The following JAZF1 variants were observed in gnomAD, a reference collection of about 807,000 sequenced individuals.
JAZF1 encodes the protein juxtaposed with another zinc finger protein 1.
In JAZF1, 8 loss-of-function variants were observed where a neutral mutation model predicts 26.4. The ratio of observed to expected loss-of-function variants is 0.30; its 90% confidence interval spans 0.18 to 0.55. JAZF1 has a LOEUF of 0.55. Ranked by LOEUF, JAZF1 falls within the 20% of genes least tolerant of loss-of-function variation. The pLI, the probability that JAZF1 is intolerant of heterozygous loss-of-function variation, is 0.94. For synonymous variants in JAZF1, 126 were observed against 122.3 expected (o/e 1.03, Z -0.20); for missense variants, 199 against 322.0 (o/e 0.62, Z 2.92).
At chr7:27,983,640 CAT>C (rs1192291548) in intron 2 of JAZF1, among the ~76,000 whole-genome samples, 2 of 152,248 alleles carry the variant, frequency 1.3e-5, no homozygotes, top group Non-Finnish European at 2.9e-5. Context: ...CTCCAAGACA[CAT>C]GATTGTCAGA....
chr7:27,919,680 G>C (rs1040716021), intron 2 of JAZF1, among the ~76,000 whole-genome samples: 3 of 152,128 alleles, frequency 2.0e-5, no homozygotes, highest in Non-Finnish European at 1.5e-5. Context: ...GGTTACAAAA[G>C]GAAGGAGCAA....
chr7:28,110,515 A>AAAGGAAAGGG lies in JAZF1; in HGVS notation c.115+69947_115+69948insCCCTTTCCTT, dbSNP rs1562590947. On this transcript the variant is annotated intron_variant, in intron 1 of 4. Coordinates refer to ENST00000283928, the MANE Select transcript of JAZF1 (RefSeq NM_175061.4). ...AAGGAAAGGAAAGGAAAAGGAAAGG[A>AAAGGAAAGGG]AAAGGAAAAGGAAAAGGAAAGGAAA... is the stretch of plus-strand genomic sequence containing the variant. Among the ~76,000 whole-genome samples the AAAGGAAAGGG allele has an allele frequency of 2.9e-4, 17 of 58,942 alleles. 1 individual carries two copies. In the East Asian group the frequency reaches 3.3e-3, roughly 11 times the overall value. The allele number at this position is 58,942 out of a possible 152,430, so 38.7% of individuals were successfully genotyped here.
chr7:28,132,514 T>C (rs1220624758), intron 1 of JAZF1, among the ~76,000 whole-genome samples: 2 of 152,124 alleles, frequency 1.3e-5, no homozygotes, highest in African/African-American at 4.8e-5. Context: ...AGGAGAGGAT[T>C]AAATAGAAGT....
intron 1 of JAZF1, among the ~76,000 whole-genome samples, chr7:28,019,182 C>T (rs1432345171): frequency 1.3e-5 from 2 of 152,204 alleles, no homozygotes; most frequent in Non-Finnish European, 2.9e-5. Flanking sequence ...CAAATCTTTC[C>T]AGAAGCAAAG....
chr7:27,923,683 G>C (rs1467140328), intron 2 of JAZF1, among the ~76,000 whole-genome samples: 1 of 152,190 alleles, frequency 6.6e-6, no homozygotes. Flanking sequence ...ACCAACGCCT[G>C]CTTGCAGACT....
intron 2 of JAZF1, among the ~76,000 whole-genome samples, chr7:27,943,559 A>C (rs1289124598): frequency 6.6e-6 from 1 of 152,150 alleles, no homozygotes; most frequent in Non-Finnish European, 1.5e-5. Context: ...GATGATCTCA[A>C]ATTAGGAAGC....
At chr7:28,040,685 T>C (rs967493927) in intron 1 of JAZF1, among the ~76,000 whole-genome samples, 8 of 152,098 alleles carry the variant, frequency 5.3e-5, no homozygotes, top group Non-Finnish European at 1.0e-4. Flanking sequence ...AGTTGTATTT[T>C]GGACATATGG....
intron 2 of JAZF1, among the ~76,000 whole-genome samples, chr7:27,918,134 C>G (rs1989908): frequency 0.28 from 42,320 of 151,966 alleles, 6,145 homozygotes; most frequent in East Asian, 0.37. Flanking sequence ...GCAGAGTAAG[C>G]AAAAAATAAA....
At chr7:27,897,799 T>TG (rs1784096528) in intron 2 of JAZF1, among the ~76,000 whole-genome samples, 13 of 152,290 alleles carry the variant, frequency 8.5e-5, no homozygotes, top group African/African-American at 2.9e-4. Context: ...CTGAACAGAC[T>TG]CCCACGTGCA....
chr7:27,946,211 T>C (rs1439905651), intron 2 of JAZF1, among the ~76,000 whole-genome samples: 3 of 152,218 alleles, frequency 2.0e-5, no homozygotes, highest in Non-Finnish European at 4.4e-5. Context: ...ATAACTTCAT[T>C]ATAAATCCAG....
At chr7:28,155,340 T>C (rs1276629425) in intron 1 of JAZF1, among the ~76,000 whole-genome samples, 2 of 152,234 alleles carry the variant, frequency 1.3e-5, no homozygotes, top group Non-Finnish European at 1.5e-5. Flanking sequence ...CTTCAGTTAC[T>C]GTACACATCA....
chr7:28,026,421 C>T (rs1284923948), intron 1 of JAZF1, among the ~76,000 whole-genome samples: 2 of 152,118 alleles, frequency 1.3e-5, no homozygotes, highest in Non-Finnish European at 2.9e-5. Context: ...GCCTTTTGTG[C>T]ACCAAACTGA....
intron 2 of JAZF1, among the ~76,000 whole-genome samples, chr7:27,957,614 C>G (rs1209768393): frequency 6.6e-6 from 1 of 152,190 alleles, no homozygotes; most frequent in Non-Finnish European, 1.5e-5. Flanking sequence ...ATGTAACATC[C>G]TACCATCTAG....
At chr7:27,923,036 T>A (rs114613307) in intron 2 of JAZF1, among the ~76,000 whole-genome samples, 2,180 of 152,340 alleles carry the variant, frequency 0.014, 56 homozygotes, top group African/African-American at 0.041. Context: ...GAGGCCGTGG[T>A]CTGGAGGCAA....
At chr7:27,859,590 A>T (rs903620656) in intron 3 of JAZF1, among the ~76,000 whole-genome samples, 2 of 152,234 alleles carry the variant, frequency 1.3e-5, no homozygotes, top group Non-Finnish European at 2.9e-5. Context: ...AAAGCCAGAA[A>T]CTATCATTCT....
intron 1 of JAZF1, among the ~76,000 whole-genome samples, chr7:28,137,669 C>A (rs932571011): frequency 7.9e-5 from 12 of 152,180 alleles, no homozygotes; most frequent in African/African-American, 2.9e-4. Flanking sequence ...ATGCCTCCCC[C>A]TCTCCACAGA....
intron 2 of JAZF1, among the ~76,000 whole-genome samples, chr7:27,949,211 G>A (rs1784968737): frequency 6.6e-6 from 1 of 152,178 alleles, no homozygotes; most frequent in Non-Finnish European, 1.5e-5. Flanking sequence ...AGAGAGAAAG[G>A]GATGAGCTGA....
chr7:28,009,062 A>G (rs1782751496), intron 1 of JAZF1, among the ~76,000 whole-genome samples: 1 of 152,204 alleles, frequency 6.6e-6, no homozygotes, highest in South Asian at 2.1e-4. Flanking sequence ...GACCTCTGGG[A>G]TTTGGTAAAC....
chr7:28,178,826 A>G (rs992037917), intron 1 of JAZF1, among the ~76,000 whole-genome samples: 1 of 152,256 alleles, frequency 6.6e-6, no homozygotes, highest in Non-Finnish European at 1.5e-5. Flanking sequence ...AGCTATTACA[A>G]GGACGCCTGA....
Sources: gnomAD v4.1 joint callset for allele counts (sites outside exome capture counted in the v4.1 genomes callset) on GRCh38, gnomAD v4.1.1 for gene constraint, MANE v1.5 for transcripts, NCBI Gene and HGNC (gene_info 2026-07-23, HGNC 2026-07-21) for gene names.